Variants in AOAH observed in about 807,000 individuals in gnomAD.
AOAH encodes the protein acyloxyacyl hydrolase, also known as acyloxyacyl hydrolase (neutrophil).
In AOAH, 64 loss-of-function variants were observed where a neutral mutation model predicts 92.2. The ratio of observed to expected loss-of-function variants is 0.69; its 90% confidence interval spans 0.57 to 0.86. AOAH has a LOEUF of 0.86. Ranked by LOEUF, AOAH falls within the 40% of genes least tolerant of loss-of-function variation. The pLI is 0.00. For synonymous variants in AOAH, 263 were observed against 254.5 expected (o/e 1.03, Z -0.32); for missense variants, 656 against 694.6 (o/e 0.94, Z 0.62).
intron 11 of AOAH, among the ~76,000 whole-genome samples, chr7:36,609,810 C>T (rs1006468947): frequency 6.6e-6 from 1 of 151,936 alleles, no homozygotes; most frequent in Non-Finnish European, 1.5e-5. Context: ...CATTGTCATC[C>T]GATCACAGGG....
At chr7:36,616,983 T>C (rs988327118) in intron 10 of AOAH, among the ~76,000 whole-genome samples, 1 of 152,170 alleles carries the variant, frequency 6.6e-6, no homozygotes, top group Non-Finnish European at 1.5e-5. Context: ...GAAAGGTCTG[T>C]ATGCAGCCCT....
intron 2 of AOAH, 127 bp downstream of exon 2, chr7:36,686,572 T>A (rs2116775053): frequency 2.0e-6 from 1 of 490,722 alleles, no homozygotes; most frequent in East Asian, 3.5e-5. Flanking sequence ...CACAAGAATA[T>A]CAACCCACAG....
chr7:36,599,823 A>T (rs1156358119), intron 11 of AOAH: 1 of 152,450 alleles, frequency 6.6e-6, no homozygotes, highest in Non-Finnish European at 1.5e-5. Context: ...TGCAGAAGGT[A>T]AGCAGGGTTC....
At chr7:36,713,585 T>A (rs1228256747) in intron 1 of AOAH, among the ~76,000 whole-genome samples, 2 of 151,914 alleles carry the variant, frequency 1.3e-5, no homozygotes, top group African/African-American at 2.4e-5. Context: ...GAAGTAAAGC[T>A]CTCCTCAGCA....
chr7:36,615,256 T>C (rs1264681690), intron 11 of AOAH, among the ~76,000 whole-genome samples: 2 of 150,980 alleles, frequency 1.3e-5, no homozygotes, highest in South Asian at 4.2e-4. Flanking sequence ...ACGATGAACA[T>C]AACATTTGTG....
chr7:36,637,752 A>C, intron 5 of AOAH, 99 bp downstream of exon 5: 1 of 1,070,314 alleles, frequency 9.3e-7, no homozygotes, highest in Non-Finnish European at 1.4e-6. Flanking sequence ...TTGCAGGCTT[A>C]TATCCGGAGT....
chr7:36,563,101 C>T (rs536350570), intron 13 of AOAH, among the ~76,000 whole-genome samples: 34 of 125,302 alleles, frequency 2.7e-4, no homozygotes, highest in African/African-American at 9.2e-4. Flanking sequence ...GAGCCGAGAT[C>T]GTGCCACTGC....
chr7:36,649,707 C>T (rs1794451165), intron 4 of AOAH, among the ~76,000 whole-genome samples: 1 of 152,184 alleles, frequency 6.6e-6, no homozygotes, highest in South Asian at 2.1e-4. Context: ...CTTGCAATTG[C>T]ACTCTCTTCT....
chr7:36,614,978 G>A lies in AOAH; in HGVS notation c.846+1402C>T, dbSNP rs761500627. ...CTCAGGCCTGAGTGTTTCAGGTTGG[G>A]AGCCTCAGTGCCTGGGAGGGTCTGT... is the stretch of plus-strand genomic sequence containing the variant. On this transcript the variant is annotated intron_variant, in intron 11 of 20. Transcript: ENST00000617537. This position sits in a 1 kb window ranked among gnomAD's most constrained non-coding sequence, Gnocchi z 4.2. Among the ~76,000 whole-genome samples, 1 of 152,136 alleles carries A rather than the reference G, an allele frequency of 6.6e-6. No homozygotes were observed. Among genetic ancestry groups the A allele is most frequent in the Non-Finnish European group, 1.5e-5 (1 of 68,000 alleles).
chr7:36,576,508 G>A (rs749809858), intron 13 of AOAH, 66 bp downstream of exon 13: 2 of 893,770 alleles, frequency 2.2e-6, no homozygotes, highest in Non-Finnish European at 3.4e-6. Context: ...AGCTTTTGAG[G>A]TACTTATGAA....
At chr7:36,688,932 T>C (rs1797217680) in intron 1 of AOAH, among the ~76,000 whole-genome samples, 1 of 152,186 alleles carries the variant, frequency 6.6e-6, no homozygotes, top group African/African-American at 2.4e-5. Context: ...CATATAGATG[T>C]ATATATACAT....
intron 4 of AOAH, among the ~76,000 whole-genome samples, chr7:36,649,320 A>G (rs2116428614): frequency 6.6e-6 from 1 of 152,316 alleles, no homozygotes; most frequent in Middle Eastern, 3.4e-3. Context: ...GCGGGTTACT[A>G]GGCCTTCTCA....
In AOAH at chr7:36,705,092, G is replaced by A. The variant is rs145960848; in HGVS notation, c.128-18298C>T. Among the ~76,000 whole-genome samples, 331 of 152,258 alleles carry A rather than the reference G, an allele frequency of 2.2e-3. 3 individuals carry two copies. The highest frequency in any genetic ancestry group is 7.7e-3 in the African/African-American group (321 of 41,546). On this transcript the variant is annotated intron_variant, in intron 1 of 20. Transcript: ENST00000617537. ...CCTTTGAAAACTGGCACAAGACAAG[G>A]ATGTGCTCTCTCACCACTCCTATTC...
rs187410048 is a variant in AOAH at position 36,714,637 on chromosome 7, G to A, written c.127+9385C>T. On this transcript the variant is annotated intron_variant, in intron 1 of 20. Coordinates refer to ENST00000617537, the MANE Select transcript of AOAH (RefSeq NM_001637.4). ...CAAAAAGCTTATCCACCATGATCAAGTGGGCTTCATCCCTGGGATGCAAGG... is the reference window on the plus strand; with the variant it reads ...CAAAAAGCTTATCCACCATGATCAAATGGGCTTCATCCCTGGGATGCAAGG... 3.3e-3 allele frequency among the ~76,000 whole-genome samples: 503 copies of A among 152,290 alleles called. 3 individuals are homozygous for A. The highest frequency in any genetic ancestry group is 0.012 in the African/African-American group (485 of 41,538).
At chr7:36,617,475 G>T (rs1039120644) in intron 10 of AOAH, among the ~76,000 whole-genome samples, 11 of 152,192 alleles carry the variant, frequency 7.2e-5, no homozygotes, top group Non-Finnish European at 1.2e-4. Context: ...AAGACAATTA[G>T]GCTTTAAGTT....
chr7:36,660,309 TTTGTTTG>T (rs1562669145), intron 3 of AOAH, among the ~76,000 whole-genome samples: 1 of 151,562 alleles, frequency 6.6e-6, no homozygotes, highest in African/African-American at 2.4e-5. Context: ...AACAGAGTCT[TTTGTTTG>T]TTTGTTTTTG....
At chr7:36,570,841 A>G (rs1245209167) in intron 13 of AOAH, among the ~76,000 whole-genome samples, 2 of 152,188 alleles carry the variant, frequency 1.3e-5, no homozygotes. Flanking sequence ...TTCTTCTCAA[A>G]GGTTTAATGG....
Position 36,678,604 on chromosome 7 carries a change from C to CGCGT in AOAH, c.224-4596_224-4595insACGC, listed in dbSNP as rs1554314425. The stretch of plus-strand genomic sequence containing the variant: ...GTGTGTGTGTGTGTGTGTGTGTGCG[C>CGCGT]GCGCGCGCGCGTTAGAATTCTGTTT... On this transcript the variant is annotated intron_variant, in intron 2 of 20. Coordinates refer to ENST00000617537, the MANE Select transcript of AOAH (RefSeq NM_001637.4). Among the ~76,000 whole-genome samples the CGCGT allele has an allele frequency of 9.6e-4, 92 of 95,734 alleles. 1 individual carries two copies. The highest frequency in any genetic ancestry group is 7.0e-3 in the Admixed American group (73 of 10,452). The allele number at this position is 95,734 out of a possible 152,430, so 62.8% of individuals were successfully genotyped here.
intron 1 of AOAH, among the ~76,000 whole-genome samples, chr7:36,695,315 T>C (rs1797648129): frequency 6.6e-6 from 1 of 152,164 alleles, no homozygotes; most frequent in Non-Finnish European, 1.5e-5. Context: ...AAAAAGCAAA[T>C]TCTACTTTAT....
Sources: allele counts gnomAD v4.1 joint callset (sites outside exome capture counted in the v4.1 genomes callset), GRCh38; gene constraint gnomAD v4.1.1; non-coding constraint Gnocchi (gnomAD v3.1); transcripts MANE v1.5; gene names NCBI Gene and HGNC (gene_info 2026-07-23, HGNC 2026-07-21).